GPC6: variants seen among roughly 807,000 people sequenced by gnomAD.
GPC6 encodes the protein glypican 6, also known as glypican-6.
In GPC6, 14 loss-of-function variants were observed where a neutral mutation model predicts 55.2. That is an observed-to-expected ratio of 0.25 (90% CI 0.17 to 0.40). The LOEUF is 0.40. GPC6 is among the 10% of genes least tolerant of loss of function. The pLI is 1.00. For missense variants in GPC6, 641 were observed against 708.5 expected (o/e 0.90, Z 1.08); for synonymous variants, 278 against 259.6 (o/e 1.07, Z -0.68).
chr13:93,646,891 T>C (rs1880197683), intron 2 of GPC6, among the ~76,000 whole-genome samples: 2 of 152,018 alleles, frequency 1.3e-5, no homozygotes, highest in Admixed American at 6.6e-5. Flanking sequence ...AAACTTGTGC[T>C]TGAAAAGCAA....
chr13:94,107,942 A>T (rs1886115670), intron 4 of GPC6, among the ~76,000 whole-genome samples: 1 of 152,206 alleles, frequency 6.6e-6, no homozygotes. Flanking sequence ...GCTTGTGGGA[A>T]TGTAAACTAG....
At chr13:93,237,549 A>G (rs1876280569) in intron 1 of GPC6, among the ~76,000 whole-genome samples, 1 of 152,058 alleles carries the variant, frequency 6.6e-6, no homozygotes, top group Non-Finnish European at 1.5e-5. Context: ...TTCCTTTGCT[A>G]TGCAGAAGCT....
At chr13:94,146,183 G>A (rs186644332) in intron 4 of GPC6, among the ~76,000 whole-genome samples, 3 of 152,252 alleles carry the variant, frequency 2.0e-5, no homozygotes, top group African/African-American at 4.8e-5. Flanking sequence ...TGAAGGTGGA[G>A]TCTTCATGTT....
rs570602992 is a variant in GPC6 at position 93,282,393 on chromosome 13, T to C, written c.160+54777T>C. Among the ~76,000 whole-genome samples, 216 of 152,200 alleles carry C rather than the reference T, an allele frequency of 1.4e-3. 1 individual carries two copies. The highest frequency in any genetic ancestry group is 4.4e-3 in the African/African-American group (184 of 41,536). On this transcript the variant is annotated intron_variant, in intron 1 of 8. Transcript: ENST00000377047. ...TCATACCAAACCCCCTCATCCTCTC[T>C]TCCCAGATTCTGAATTCCCTACCCC...
chr13:93,695,078 C>G (rs1882401074), intron 2 of GPC6, among the ~76,000 whole-genome samples: 1 of 151,990 alleles, frequency 6.6e-6, no homozygotes, highest in East Asian at 1.9e-4. Flanking sequence ...AAAGAATAAT[C>G]AAGCTTGTTC....
intron 1 of GPC6, among the ~76,000 whole-genome samples, chr13:93,396,516 T>C (rs2139225670): frequency 6.6e-6 from 1 of 151,944 alleles, no homozygotes; most frequent in African/African-American, 2.4e-5. Context: ...TGAGCTGAGA[T>C]CATGCCTGGG....
intron 2 of GPC6, among the ~76,000 whole-genome samples, chr13:93,605,025 G>T (rs577836649): frequency 3.2e-4 from 49 of 152,308 alleles, no homozygotes; most frequent in African/African-American, 1.1e-3. Context: ...ATGGGGAAAA[G>T]AAGAAATGGC....
chr13:93,781,245 C>G lies in GPC6; in HGVS notation c.320-48909C>G, dbSNP rs184203451. Among the ~76,000 whole-genome samples, 199 of 150,356 alleles carry G rather than the reference C, an allele frequency of 1.3e-3. 1 individual carries two copies. The highest frequency in any genetic ancestry group is 4.5e-3 in the African/African-American group (185 of 40,786). On this transcript the variant is annotated intron_variant, in intron 2 of 8. Transcript: ENST00000377047. ...AAGCCGAGATCGCGCCACTGCACTC[C>G]AGCCTGGCAACAGAGTGAGACTCCA...
chr13:93,408,023 T>A (rs1002867043), intron 1 of GPC6, among the ~76,000 whole-genome samples: 2 of 152,186 alleles, frequency 1.3e-5, no homozygotes, highest in African/African-American at 4.8e-5. Context: ...TTATCCTTTT[T>A]TCATAAGCTA....
chr13:94,288,507 C>T lies in GPC6; in HGVS notation c.1008+2028C>T, dbSNP rs977233306. On this transcript the variant is annotated intron_variant, in intron 5 of 8. Coordinates refer to ENST00000377047, the MANE Select transcript of GPC6 (RefSeq NM_005708.5). ...GGAATAAAACTCCTGCAAGCTCTTG[C>T]ATTATCTGGCCCCTGCCTACCTTCT... is the stretch of plus-strand genomic sequence containing the variant. Among the ~76,000 whole-genome samples the T allele has an allele frequency of 3.3e-5, 5 of 151,824 alleles. No homozygotes were observed. The South Asian group carries it at 6.2e-4, about 19-fold the overall frequency.
At chr13:93,381,082 T>C (rs1875148853) in intron 1 of GPC6, among the ~76,000 whole-genome samples, 1 of 152,184 alleles carries the variant, frequency 6.6e-6, no homozygotes, top group African/African-American at 2.4e-5. Flanking sequence ...ATTGATTGCA[T>C]GCTAGTAAGA....
At chr13:94,032,401 G>A (rs1372478606) in intron 4 of GPC6, among the ~76,000 whole-genome samples, 2 of 152,154 alleles carry the variant, frequency 1.3e-5, no homozygotes, top group Admixed American at 6.6e-5. Flanking sequence ...GAATAAAATA[G>A]CAAATAAGAT....
chr13:94,295,239 C>G (rs1293121200), intron 5 of GPC6, among the ~76,000 whole-genome samples: 1 of 152,098 alleles, frequency 6.6e-6, no homozygotes, highest in African/African-American at 2.4e-5. Flanking sequence ...ATAGTACCTA[C>G]TCATAAGGTT....
intron 4 of GPC6, among the ~76,000 whole-genome samples, chr13:94,113,695 G>GTATT (rs1435518162): frequency 6.6e-6 from 1 of 151,978 alleles, no homozygotes; most frequent in Non-Finnish European, 1.5e-5. Flanking sequence ...TGTTTGTGAG[G>GTATT]TATTTAGACC....
intron 4 of GPC6, among the ~76,000 whole-genome samples, chr13:94,242,134 A>T (rs149462264): frequency 0.05 from 7,559 of 151,076 alleles, 243 homozygotes; most frequent in African/African-American, 0.079. Context: ...TGTTCTCATT[A>T]TTCAATCCCC....
chr13:93,658,251 T>C (rs1471743092), intron 2 of GPC6, among the ~76,000 whole-genome samples: 1 of 152,062 alleles, frequency 6.6e-6, no homozygotes, highest in Non-Finnish European at 1.5e-5. Flanking sequence ...TCTATTTCTC[T>C]TACAATTCAT....
rs182780581 is a variant in GPC6, at chr13:93,623,522, A to G, written c.319+78101A>G. On this transcript the variant is annotated intron_variant, in intron 2 of 8. Transcript: ENST00000377047. ...CGCCCAGGCTGGAGTGCAGTGGTGC[A>G]TTCTCAGCTCACTGCAAGCTCCGCC... Among the ~76,000 whole-genome samples the G allele has an allele frequency of 3.1e-3, 413 of 133,584 alleles. 3 individuals carry two copies. Among genetic ancestry groups the G allele is most frequent in the Admixed American group, 0.027 (302 of 11,250 alleles). 87.6% of individuals were successfully genotyped at this position (133,584 alleles called of 152,430 possible). A position where few individuals can be genotyped will look rare whatever the true frequency, so the allele number is the denominator to read the frequency against.
chr13:93,603,018 T>C (rs1235041549), intron 2 of GPC6, among the ~76,000 whole-genome samples: 2 of 152,082 alleles, frequency 1.3e-5, no homozygotes, highest in African/African-American at 4.8e-5. Flanking sequence ...TTCTTTCTTT[T>C]TTTGTTTTTG....
At chr13:93,490,846 A>C in intron 1 of GPC6, among the ~76,000 whole-genome samples, 1 of 92,116 alleles carries the variant, frequency 1.1e-5, no homozygotes, top group Non-Finnish European at 2.1e-5. Context: ...AAAGGACATG[A>C]ACTCATCATT....
Sources: allele counts gnomAD v4.1 joint callset (sites outside exome capture counted in the v4.1 genomes callset), GRCh38; gene constraint gnomAD v4.1.1; transcripts MANE v1.5; gene names NCBI Gene and HGNC (gene_info 2026-07-23, HGNC 2026-07-21).